The following PARD3B variants were observed in gnomAD, a reference collection of about 807,000 sequenced individuals.
The protein encoded by PARD3B is par-3 family cell polarity regulator beta.
Under a neutral mutation model 130.2 loss-of-function variants are expected in PARD3B, and 103 were observed. That is an observed-to-expected ratio of 0.79 (90% CI 0.67 to 0.93). PARD3B has a LOEUF of 0.93. Among genes scored for constraint, PARD3B ranks in the 40% least tolerant of loss-of-function variants. The probability of loss-of-function intolerance (pLI) is 0.00; values close to 1 mark genes in which losing one functional copy is unlikely to be tolerated. For synonymous variants in PARD3B, 583 were observed against 553.2 expected, an observed-to-expected ratio of 1.05 and a Z score of -0.76; for missense variants, 1,609 against 1,499.2, an observed-to-expected ratio of 1.07 and a Z score of -1.21.
rs1342701214 is a variant in PARD3B, at chr2:205,440,561, G to A, written c.2933G>A (p.Gly978Glu). Reference protein sequence around the residue: ...VFRSPSPPRAGPFGYPRDGHP... With the variant: ...VFRSPSPPRAEPFGYPRDGHP... ...AGATCTCCATCTCCCCCTCGAGCTG[G>A]ACCATTTGGTTACCCTCGGGATGGC... Residue 978 changes from glycine (G) to glutamate (E), a missense_variant, in exon 20 of 23, where the codon GGA (glycine) becomes GAA (glutamate). Transcript: ENST00000406610. This position sits in a 1 kb window ranked among gnomAD's most constrained non-coding sequence, Gnocchi z 4.2. 6.2e-7 allele frequency: 1 copy of A among 1,614,028 alleles called. No individual in the cohort carries two copies. Among genetic ancestry groups the A allele is most frequent in the African/African-American group, 1.3e-5 (1 of 75,004 alleles).
intron 20 of PARD3B, chr2:205,482,735 C>T (rs1053754275): frequency 2.0e-5 from 3 of 152,062 alleles, no homozygotes; most frequent in African/African-American, 7.2e-5. Context: ...GAAACTCTCC[C>T]AGGGTAGGCA....
chr2:204,898,130 C>T (rs1419349147), intron 2 of PARD3B, among the ~76,000 whole-genome samples: 1 of 150,576 alleles, frequency 6.6e-6, no homozygotes, highest in Admixed American at 6.6e-5. Context: ...AAAAAAAAAA[C>T]ATAAATGAAC....
chr2:204,884,508 C>T (rs1248107794), intron 2 of PARD3B, among the ~76,000 whole-genome samples: 1 of 152,092 alleles, frequency 6.6e-6, no homozygotes, highest in African/African-American at 2.4e-5. Context: ...AGGTTTGTTA[C>T]ATAGGTAAAT....
intron 18 of PARD3B, among the ~76,000 whole-genome samples, chr2:205,304,374 G>A (rs1328031893): frequency 6.6e-6 from 1 of 152,142 alleles, no homozygotes; most frequent in Non-Finnish European, 1.5e-5. Flanking sequence ...AGTGGCCCAA[G>A]CCTGTAATCC....
chr2:205,382,252 G>A (rs1417420864), intron 18 of PARD3B, among the ~76,000 whole-genome samples: 4 of 151,854 alleles, frequency 2.6e-5, no homozygotes, highest in Admixed American at 1.3e-4. Flanking sequence ...TATCTTTCAT[G>A]ACCTTGTTAC....
chr2:204,952,216 T>C (rs570733630), intron 2 of PARD3B, among the ~76,000 whole-genome samples: 133 of 152,346 alleles, frequency 8.7e-4, no homozygotes, highest in Non-Finnish European at 1.6e-3. Flanking sequence ...GATTATGCAG[T>C]CATCGAAATA....
At chr2:204,561,219 G>A (rs1025732921) in intron 1 of PARD3B, among the ~76,000 whole-genome samples, 1 of 152,192 alleles carries the variant, frequency 6.6e-6, no homozygotes, top group African/African-American at 2.4e-5. Context: ...TTGGATTAGA[G>A]CCTTGATTCA....
At chr2:205,516,321 T>G (rs1179686586) in intron 21 of PARD3B, among the ~76,000 whole-genome samples, 3 of 152,150 alleles carry the variant, frequency 2.0e-5, no homozygotes, top group Non-Finnish European at 4.4e-5. Flanking sequence ...ATCTGTAAAT[T>G]CCATATGGAT....
In PARD3B at chr2:204,890,919, A is replaced by G. The variant is rs2046422103; in HGVS notation, c.223-74233A>G. On this transcript the variant is annotated intron_variant, in intron 2 of 22. Transcript: ENST00000406610. The surrounding 1 kb of genome is among the most constrained non-coding windows in gnomAD (Gnocchi z 4.9). The stretch of plus-strand genomic sequence containing the variant: ...ATTGATCCTTTTCAACAGGCAAGAG[A>G]TAATATCTCTTGCCATCATCCACTG... Among the ~76,000 whole-genome samples the G allele has an allele frequency of 6.6e-6, 1 of 152,128 alleles. No individual in the cohort carries two copies. The highest frequency in any genetic ancestry group is 6.5e-5 in the Admixed American group (1 of 15,278).
chr2:205,543,046 C>T (rs1413325872), intron 21 of PARD3B, among the ~76,000 whole-genome samples: 1 of 152,140 alleles, frequency 6.6e-6, no homozygotes, highest in African/African-American at 2.4e-5. Context: ...CTGTTAACTT[C>T]CACTGCGTAG....
intron 21 of PARD3B, among the ~76,000 whole-genome samples, chr2:205,531,785 T>A (rs924783284): frequency 6.6e-6 from 1 of 152,162 alleles, no homozygotes; most frequent in Admixed American, 6.5e-5. Context: ...TATAAACTGA[T>A]TGACAAATTG....
intron 4 of PARD3B, among the ~76,000 whole-genome samples, chr2:205,072,562 G>A (rs1219843658): frequency 6.6e-6 from 1 of 152,128 alleles, no homozygotes; most frequent in Non-Finnish European, 1.5e-5. Context: ...GAGGATTAAA[G>A]TATAGGTGGA....
At chr2:205,014,876 G>A (rs1450969485) in intron 3 of PARD3B, among the ~76,000 whole-genome samples, 1 of 152,184 alleles carries the variant, frequency 6.6e-6, no homozygotes, top group Non-Finnish European at 1.5e-5. Context: ...AAGGCAGAAG[G>A]AATGTAACTG....
intron 20 of PARD3B, among the ~76,000 whole-genome samples, chr2:205,472,585 G>T (rs918977299): frequency 1.3e-5 from 2 of 152,070 alleles, no homozygotes; most frequent in Non-Finnish European, 2.9e-5. Flanking sequence ...TTCCTCTCAA[G>T]ACTTCTCCTC....
chr2:205,573,119 C>G (rs2053617149), intron 22 of PARD3B, among the ~76,000 whole-genome samples: 1 of 152,110 alleles, frequency 6.6e-6, no homozygotes, highest in Non-Finnish European at 1.5e-5. Flanking sequence ...CGGAGGTAAC[C>G]ACCCCCATGA....
intron 2 of PARD3B, among the ~76,000 whole-genome samples, chr2:204,958,432 G>T (rs1003972873): frequency 3.9e-5 from 6 of 152,198 alleles, no homozygotes; most frequent in African/African-American, 1.4e-4. Context: ...AAGAGTGATA[G>T]AGTACTGTAT....
Position 205,113,443 on chromosome 2 carries a change from T to C in PARD3B, c.594-48T>C, listed in dbSNP as rs746486596. 3.7e-6 allele frequency: 5 copies of C among 1,359,670 alleles called. No individual in the cohort carries two copies. In the Admixed American group the frequency reaches 8.5e-5, roughly 23 times the overall value. 84.2% of individuals were successfully genotyped at this position (1,359,670 alleles called of 1,614,324 possible). A position where few individuals can be genotyped will look rare whatever the true frequency, so the allele number is the denominator to read the frequency against. ...GTGTGTATTTTAGATGTGCTCCCTC[T>C]GTTTTTTAGCAGACACTCATTTGTG... is the stretch of plus-strand genomic sequence containing the variant. On this transcript the variant is annotated intron_variant, in intron 5 of 22. Coordinates refer to ENST00000406610, the MANE Select transcript of PARD3B (RefSeq NM_001302769.2).
At chr2:204,711,105 A>C (rs2038411002) in intron 2 of PARD3B, among the ~76,000 whole-genome samples, 1 of 152,200 alleles carries the variant, frequency 6.6e-6, no homozygotes, top group South Asian at 2.1e-4. Flanking sequence ...TAATGTATTC[A>C]TAGTTCTCAA....
chr2:205,180,598 CTTTCCTT>C (rs2035735001), intron 13 of PARD3B, among the ~76,000 whole-genome samples: 1 of 142,768 alleles, frequency 7.0e-6, no homozygotes, highest in Admixed American at 6.9e-5. Context: ...TTTTTTTTTT[CTTTCCTT>C]TTTCCTTTCC....
Sources: gnomAD v4.1 joint callset for allele counts (sites outside exome capture counted in the v4.1 genomes callset) on GRCh38, gnomAD v4.1.1 for gene constraint, Gnocchi (gnomAD v3.1) non-coding constraint, MANE v1.5 for transcripts, NCBI Gene and HGNC (gene_info 2026-07-23, HGNC 2026-07-21) for gene names.